AK5: variants seen among roughly 807,000 people sequenced by gnomAD.
AK5 encodes the protein adenylate kinase 5, also known as adenylate kinase isoenzyme 5.
A neutral mutation model predicts 69.5 loss-of-function variants in AK5; 27 were observed. The observed-to-expected ratio is 0.39, with a 90% CI of 0.29 to 0.54. The LOEUF is 0.54. Ranked by LOEUF, AK5 falls within the 20% of genes least tolerant of loss-of-function variation. The pLI is 0.71. For missense variants in AK5, 531 were observed against 700.4 expected (o/e 0.76, Z 2.73); for synonymous variants, 260 against 244.4 (o/e 1.06, Z -0.60).
At chr1:77,487,600 G>C (rs769962604) in intron 10 of AK5, among the ~76,000 whole-genome samples, 5 of 152,218 alleles carry the variant, frequency 3.3e-5, no homozygotes, top group Non-Finnish European at 7.3e-5. Flanking sequence ...TGCAAGTTAA[G>C]ATCAGAGTGC....
intron 6 of AK5, among the ~76,000 whole-genome samples, chr1:77,375,509 C>G (rs1355697918): frequency 6.6e-6 from 1 of 152,152 alleles, no homozygotes; most frequent in Non-Finnish European, 1.5e-5. Flanking sequence ...CATGCCCCAT[C>G]TCCTACCTTC....
At chr1:77,298,034 C>T (rs1182411558) in intron 5 of AK5, 87 bp downstream of exon 5, 22 of 921,784 alleles carry the variant, frequency 2.4e-5, no homozygotes, top group South Asian at 1.1e-4. Flanking sequence ...GGAAGACTTG[C>T]GATGCTTTTG....
chr1:77,524,837 C>T (rs939149387), intron 12 of AK5, among the ~76,000 whole-genome samples: 2 of 152,166 alleles, frequency 1.3e-5, no homozygotes, highest in Non-Finnish European at 2.9e-5. Flanking sequence ...AGCCTTCCCT[C>T]CGTATTTTCT....
At chr1:77,520,659 C>G (rs1437561049) in intron 11 of AK5, among the ~76,000 whole-genome samples, 1 of 152,228 alleles carries the variant, frequency 6.6e-6, no homozygotes, top group East Asian at 1.9e-4. Flanking sequence ...TTATCAGATG[C>G]CTTCCCTGAC....
chr1:77,525,962 G>C (rs1174868561), intron 12 of AK5, among the ~76,000 whole-genome samples: 2 of 152,050 alleles, frequency 1.3e-5, no homozygotes, highest in African/African-American at 4.8e-5. Flanking sequence ...GTTTTAAAAT[G>C]ATGTTTCTAT....
chr1:77,544,736 T>C (rs1659456118), intron 13 of AK5, among the ~76,000 whole-genome samples: 1 of 152,152 alleles, frequency 6.6e-6, no homozygotes, highest in East Asian at 1.9e-4. Context: ...TTCTGGAACA[T>C]TCCTGAAGGA....
Position 77,534,914 on chromosome 1 carries a change from C to T in AK5, c.1429-933C>T, listed in dbSNP as rs548931727. Among the ~76,000 whole-genome samples the T allele has an allele frequency of 5.6e-4, 85 of 152,270 alleles. No individual in the cohort carries two copies. In the South Asian group the frequency reaches 7.9e-3, roughly 14 times the overall value. On this transcript the variant is annotated intron_variant, in intron 12 of 13. Transcript: ENST00000354567. ...TGGTTCTGGAAGTTATGGGGCTCAG[C>T]GGGCTGGTTCTCACTTGGGGTTCCT...
intron 8 of AK5, among the ~76,000 whole-genome samples, chr1:77,421,678 G>C (rs1454677594): frequency 6.6e-6 from 1 of 152,178 alleles, no homozygotes; most frequent in East Asian, 1.9e-4. Context: ...TGAGCACCAA[G>C]CCAGTCTCAG....
At chr1:77,418,371 A>T (rs182049323) in intron 8 of AK5, among the ~76,000 whole-genome samples, 5 of 152,292 alleles carry the variant, frequency 3.3e-5, no homozygotes, top group Non-Finnish European at 7.4e-5. Context: ...GTCATCTCCC[A>T]CTGGCTCCCT....
chr1:77,518,462 G>C, intron 10 of AK5, 102 bp from the exon 11 acceptor site: 1 of 1,240,400 alleles, frequency 8.1e-7, no homozygotes, highest in South Asian at 1.5e-5. Flanking sequence ...CCCAATACAT[G>C]CTTAGTGACT....
At chr1:77,319,876 G>GC (rs1660435130) in intron 5 of AK5, among the ~76,000 whole-genome samples, 1 of 152,108 alleles carries the variant, frequency 6.6e-6, no homozygotes, top group East Asian at 1.9e-4. Context: ...GTACAAGTGT[G>GC]CCCCACGTTA....
At chr1:77,417,600 A>G in intron 7 of AK5, 39 bp from the exon 8 acceptor site, 1 of 1,283,258 alleles carries the variant, frequency 7.8e-7, no homozygotes, top group Non-Finnish European at 1.1e-6. Context: ...ACATACATAG[A>G]CAACCTCCAT....
At chr1:77,334,116 T>A (rs2100361911) in intron 5 of AK5, among the ~76,000 whole-genome samples, 1 of 152,336 alleles carries the variant, frequency 6.6e-6, no homozygotes, top group South Asian at 2.1e-4. Context: ...TACTCTTTGA[T>A]GTTTTAATTA....
intron 10 of AK5, among the ~76,000 whole-genome samples, chr1:77,499,869 CATTTTTTTTTTTTT>C (rs1281403686): frequency 3.7e-4 from 29 of 78,776 alleles, no homozygotes; most frequent in Admixed American, 1.4e-3. Flanking sequence ...GCCCTTTTTC[CATTTTTTTTTTTTT>C]TTTTTTTTTT....
intron 5 of AK5, among the ~76,000 whole-genome samples, chr1:77,307,460 T>C (rs1659707207): frequency 6.6e-6 from 1 of 152,102 alleles, no homozygotes; most frequent in Admixed American, 6.5e-5. Flanking sequence ...TCCGTTTTGG[T>C]TAGAGAAGAT....
intron 6 of AK5, among the ~76,000 whole-genome samples, chr1:77,383,213 AT>A (rs1335677847): frequency 2.6e-5 from 4 of 152,206 alleles, no homozygotes; most frequent in African/African-American, 9.6e-5. Flanking sequence ...TTAAAGTAAT[AT>A]TTACTGAAAA....
At chr1:77,342,509 G>A (rs1661706986) in intron 6 of AK5, among the ~76,000 whole-genome samples, 1 of 152,166 alleles carries the variant, frequency 6.6e-6, no homozygotes, top group African/African-American at 2.4e-5. Flanking sequence ...AAAACCAAAT[G>A]AGCTTTAAGA....
intron 6 of AK5, among the ~76,000 whole-genome samples, chr1:77,378,249 A>G (rs529529360): frequency 2.0e-3 from 305 of 152,264 alleles, no homozygotes; most frequent in African/African-American, 7.1e-3. Context: ...CATTCTTCTT[A>G]TATGTGCATA....
intron 1 of AK5, among the ~76,000 whole-genome samples, chr1:77,284,852 A>G (rs777943012): frequency 1.3e-5 from 2 of 152,222 alleles, no homozygotes; most frequent in African/African-American, 2.4e-5. Context: ...TTTAAAATCA[A>G]TGCCCTTTGG....
Sources: gnomAD v4.1 joint callset for allele counts (sites outside exome capture counted in the v4.1 genomes callset) on GRCh38, gnomAD v4.1.1 for gene constraint, MANE v1.5 for transcripts, NCBI Gene and HGNC (gene_info 2026-07-23, HGNC 2026-07-21) for gene names.